CDC42BPA: variants seen among roughly 807,000 people sequenced by gnomAD.
CDC42BPA encodes CDC42 binding protein kinase alpha.
Under a neutral mutation model 223.5 loss-of-function variants are expected in CDC42BPA, and 80 were observed. The observed-to-expected ratio is 0.36, with a 90% CI of 0.30 to 0.43. CDC42BPA has a LOEUF of 0.43. CDC42BPA is among the 20% of genes least tolerant of loss of function. The pLI is 1.00. For synonymous variants in CDC42BPA, 694 were observed against 718.6 expected (o/e 0.97, Z 0.55); for missense variants, 1,743 against 2,099.9 (o/e 0.83, Z 3.32).
intron 1 of CDC42BPA, among the ~76,000 whole-genome samples, chr1:227,264,183 C>T (rs540002963): frequency 1.3e-5 from 2 of 152,294 alleles, no homozygotes; most frequent in South Asian, 4.1e-4. Context: ...CATCAGCAAA[C>T]ATTTGAGAGG....
chr1:227,195,593 ATT>A (rs1247404041), intron 4 of CDC42BPA, among the ~76,000 whole-genome samples: 1 of 152,154 alleles, frequency 6.6e-6, no homozygotes, highest in Non-Finnish European at 1.5e-5. Flanking sequence ...TAAATAATCC[ATT>A]CTTTCTCCTC....
chr1:227,191,460 T>C (rs1669695955), intron 5 of CDC42BPA, among the ~76,000 whole-genome samples: 1 of 152,160 alleles, frequency 6.6e-6, no homozygotes, highest in Non-Finnish European at 1.5e-5. Flanking sequence ...TAAAATTAGA[T>C]GTACTTAAGC....
intron 21 of CDC42BPA, among the ~76,000 whole-genome samples, chr1:227,063,520 T>C (rs2148980455): frequency 6.6e-6 from 1 of 152,098 alleles, no homozygotes; most frequent in East Asian, 1.9e-4. Flanking sequence ...TATATTATTA[T>C]ATTATATATG....
chr1:227,219,715 T>C (rs756510420), intron 2 of CDC42BPA, among the ~76,000 whole-genome samples: 2 of 152,132 alleles, frequency 1.3e-5, no homozygotes, highest in Non-Finnish European at 2.9e-5. Context: ...AGACAAAACA[T>C]CTTGGAGGAA....
intron 1 of CDC42BPA, among the ~76,000 whole-genome samples, chr1:227,299,233 C>CAATT (rs1476196084): frequency 6.6e-6 from 1 of 152,098 alleles, no homozygotes; most frequent in Non-Finnish European, 1.5e-5. Context: ...GAACACTAAA[C>CAATT]AATTAGGGTT....
intron 23 of CDC42BPA, among the ~76,000 whole-genome samples, chr1:227,043,422 A>G (rs1488449304): frequency 6.6e-6 from 1 of 151,978 alleles, no homozygotes; most frequent in Non-Finnish European, 1.5e-5. Flanking sequence ...AAAAAAAAAA[A>G]AAAAAAAATT....
chr1:227,232,659 T>C (rs6699974), intron 2 of CDC42BPA, among the ~76,000 whole-genome samples: 77,734 of 152,018 alleles, frequency 0.51, 20,005 homozygotes, highest in South Asian at 0.61. Context: ...CGCAGGTCTG[T>C]TGGAGTTTGC....
At chr1:227,199,270 G>A (rs6671926) in intron 4 of CDC42BPA, among the ~76,000 whole-genome samples, 7,586 of 152,088 alleles carry the variant, frequency 0.05, 233 homozygotes, top group Non-Finnish European at 0.072. Context: ...TGGTGTTAAA[G>A]GTATCATGAA....
rs1221984952 is a variant in CDC42BPA at position 227,139,751 on chromosome 1, A to C, written c.1224-9T>G. The C allele has an allele frequency of 6.7e-7, 1 of 1,499,796 alleles. No homozygotes were observed. The highest frequency in any genetic ancestry group is 2.4e-5 in the Admixed American group (1 of 41,332). 92.9% of individuals were successfully genotyped at this position (1,499,796 alleles called of 1,614,324 possible). A position where few individuals can be genotyped will look rare whatever the true frequency, so the allele number is the denominator to read the frequency against. On this transcript the variant is annotated splice_polypyrimidine_tract_variant and intron_variant, in intron 9 of 36. Transcript: ENST00000366766. ...TCCGATCAGAAAGTACACTGAAGAA[A>C]AGAAAAAAAAATGTAGGTTCATACT...
chr1:227,137,853 G>A (rs1237498636), intron 10 of CDC42BPA, among the ~76,000 whole-genome samples: 1 of 152,094 alleles, frequency 6.6e-6, no homozygotes, highest in Non-Finnish European at 1.5e-5. Context: ...TTATTTCATA[G>A]TGGTAGGTTA....
chr1:227,004,994 T>C lies in CDC42BPA; in HGVS notation c.4975A>G (p.Arg1659Gly). The change falls in exon 35 of 37, where the codon AGG becomes GGG. Residue 1659 changes from arginine (R) to glycine (G), a missense_variant and splice_region_variant. Physicochemically the swap from Arg to Gly is moderately radical, Grantham distance 125 (BLOSUM62 -2). Around this residue, in one of 6 missense-constraint regions of CDC42BPA, gnomAD observed 200 missense variants for 192.8 expected, o/e 1.04. Coordinates refer to ENST00000366766, the MANE Select transcript of CDC42BPA (RefSeq NM_001394014.1). ...SMSASSGLSARSSAQNGSALK... is the reference protein window; with the variant it reads ...SMSASSGLSAGSSAQNGSALK... ...ACCTTCCTGTAGCCCCGGCACTTACTTGCTGACAAGCCACTGCTAGCACTC... is the reference window on the plus strand; with the variant it reads ...ACCTTCCTGTAGCCCCGGCACTTACCTGCTGACAAGCCACTGCTAGCACTC... 6.2e-7 allele frequency: 1 copy of C among 1,609,888 alleles called. No homozygotes were observed. The highest frequency in any genetic ancestry group is 1.3e-5 in the African/African-American group (1 of 74,930).
intron 2 of CDC42BPA, among the ~76,000 whole-genome samples, chr1:227,238,504 C>T (rs7519099): frequency 0.15 from 22,802 of 152,024 alleles, 2,075 homozygotes; most frequent in African/African-American, 0.24. Context: ...GGCTAGTTTT[C>T]ACACCACAAT....
At chr1:227,142,259 G>A (rs967844889) in intron 9 of CDC42BPA, among the ~76,000 whole-genome samples, 2 of 152,172 alleles carry the variant, frequency 1.3e-5, no homozygotes, top group Admixed American at 1.3e-4. Flanking sequence ...ATTCTCAATG[G>A]AATTTAAACA....
chr1:227,063,355 T>G (rs1053561072), intron 21 of CDC42BPA, among the ~76,000 whole-genome samples: 3 of 152,064 alleles, frequency 2.0e-5, no homozygotes, highest in Non-Finnish European at 4.4e-5. Flanking sequence ...TATGAAGGTA[T>G]GCACACAAGC....
intron 1 of CDC42BPA, among the ~76,000 whole-genome samples, chr1:227,256,990 C>CACACACACACACACACACACACACACACA (rs1683186834): frequency 1.4e-5 from 2 of 143,794 alleles, no homozygotes; most frequent in African/African-American, 5.3e-5. Flanking sequence ...CACACACACA[C>CACACACACACACACACACACACACACACA]CAGTATGTTA....
Position 227,134,986 on chromosome 1 carries a change from A to C in CDC42BPA, c.1390+4590T>G, listed in dbSNP as rs75075672. Among the ~76,000 whole-genome samples the C allele has an allele frequency of 2.7e-3, 405 of 152,308 alleles. 3 individuals are homozygous for C. The highest frequency in any genetic ancestry group is 9.4e-3 in the African/African-American group (392 of 41,564). On this transcript the variant is annotated intron_variant, in intron 10 of 36. Transcript: ENST00000366766. The stretch of plus-strand genomic sequence containing the variant: ...TTTAAAAACATCTTTGGTTTATTTT[A>C]CTTAGTTCTCTTTGCTTTTTCAGTT...
At chr1:227,303,149 C>T (rs940455426) in intron 1 of CDC42BPA, among the ~76,000 whole-genome samples, 4 of 152,038 alleles carry the variant, frequency 2.6e-5, no homozygotes, top group Non-Finnish European at 2.9e-5. Context: ...TATTTAATTA[C>T]GAGAACTAAA....
intron 7 of CDC42BPA, among the ~76,000 whole-genome samples, chr1:227,146,087 C>T (rs1021256212): frequency 1.3e-5 from 2 of 152,160 alleles, no homozygotes; most frequent in Admixed American, 6.5e-5. Flanking sequence ...ATATAAGTTA[C>T]ATACTAATGA....
intron 15 of CDC42BPA, among the ~76,000 whole-genome samples, chr1:227,092,716 T>C (rs897064153): frequency 6.6e-6 from 1 of 152,196 alleles, no homozygotes; most frequent in African/African-American, 2.4e-5. Flanking sequence ...TTCGAAATAA[T>C]TTCATTATTA....
Sources: gnomAD v4.1 joint callset for allele counts (sites outside exome capture counted in the v4.1 genomes callset) on GRCh38, gnomAD v4.1.1 for gene constraint, gnomAD v4.1.1 regional missense constraint, MANE v1.5 for transcripts, NCBI Gene and HGNC (gene_info 2026-07-23, HGNC 2026-07-21) for gene names.